Variants in KDM4C observed in about 807,000 individuals in gnomAD.
The protein encoded by KDM4C is lysine demethylase 4C.
Under a neutral mutation model 129.3 loss-of-function variants are expected in KDM4C, and 81 were observed. The observed-to-expected ratio is 0.63, with a 90% confidence interval of 0.52 to 0.75. KDM4C has a LOEUF of 0.75. Among genes scored for constraint, KDM4C ranks in the 30% least tolerant of loss-of-function variants. The pLI, the probability that KDM4C is intolerant of heterozygous loss-of-function variation, is 0.00. For synonymous variants in KDM4C, 573 were observed against 456.1 expected (o/e 1.26, Z -3.26); for missense variants, 1,457 against 1,304.0 (o/e 1.12, Z -1.81).
intron 5 of KDM4C, among the ~76,000 whole-genome samples, chr9:6,857,298 C>G (rs909596729): frequency 2.0e-5 from 3 of 152,110 alleles, no homozygotes; most frequent in Non-Finnish European, 4.4e-5. Context: ...AAACAAACCC[C>G]AAAACAGAAA....
At chr9:6,875,747 T>A (rs1391547663) in intron 5 of KDM4C, among the ~76,000 whole-genome samples, 1 of 152,162 alleles carries the variant, frequency 6.6e-6, no homozygotes, top group Non-Finnish European at 1.5e-5. Context: ...TTCTGATAGG[T>A]CTTAGCAATA....
intron 1 of KDM4C, among the ~76,000 whole-genome samples, chr9:6,740,039 G>A (rs1475475109): frequency 3.9e-5 from 6 of 151,994 alleles, no homozygotes; most frequent in African/African-American, 2.4e-5. Flanking sequence ...ACAGGCGCGC[G>A]CCACCACACT....
At chr9:6,824,242 C>G (rs1009852064) in intron 4 of KDM4C, among the ~76,000 whole-genome samples, 11 of 152,200 alleles carry the variant, frequency 7.2e-5, no homozygotes, top group African/African-American at 2.4e-4. Flanking sequence ...GCAGTAGACT[C>G]TGAGTTCATT....
rs147294289 is a variant in KDM4C at position 7,070,461 on chromosome 9, A to G, written c.2424+21261A>G. Among the ~76,000 whole-genome samples, 353 of 152,318 alleles carry G rather than the reference A, an allele frequency of 2.3e-3. 1 individual carries two copies. Among genetic ancestry groups the G allele is most frequent in the Non-Finnish European group, 4.0e-3 (272 of 68,000 alleles). On this transcript the variant is annotated intron_variant, in intron 17 of 21. Coordinates refer to ENST00000381309, the MANE Select transcript of KDM4C (RefSeq NM_015061.6). ...GTAGACCCATATTCATCATGAATAT[A>G]CATTTCAAAAAATCCCATCATAATA...
chr9:7,088,342 C>G (rs1175840991), intron 17 of KDM4C, among the ~76,000 whole-genome samples: 1 of 152,210 alleles, frequency 6.6e-6, no homozygotes, highest in African/African-American at 2.4e-5. Flanking sequence ...TAATCCAGCT[C>G]TTGTTGTCTT....
intron 8 of KDM4C, among the ~76,000 whole-genome samples, chr9:6,930,066 T>C (rs1317927476): frequency 2.0e-5 from 3 of 152,158 alleles, no homozygotes; most frequent in African/African-American, 7.2e-5. Flanking sequence ...ATTTAATTGG[T>C]TTTAGTTTGG....
At chr9:6,757,486 G>C (rs1350079925), upstream of KDM4C, among the ~76,000 whole-genome samples, 1 of 152,250 alleles carries the variant, frequency 6.6e-6, no homozygotes, top group African/African-American at 2.4e-5. Flanking sequence ...GTGGGAAGGA[G>C]GCTCAGTGGT....
chr9:7,041,040 T>C (rs1828512285), intron 15 of KDM4C, among the ~76,000 whole-genome samples: 1 of 151,240 alleles, frequency 6.6e-6, no homozygotes, highest in African/African-American at 2.4e-5. Context: ...TTTTTTTCCC[T>C]AGATCTGTAT....
intron 4 of KDM4C, among the ~76,000 whole-genome samples, chr9:6,840,803 G>C (rs1289332155): frequency 6.6e-6 from 1 of 152,182 alleles, no homozygotes; most frequent in Non-Finnish European, 1.5e-5. Context: ...TAGCATGGGG[G>C]TTATCCCACC....
intron 15 of KDM4C, among the ~76,000 whole-genome samples, chr9:7,029,704 C>T (rs553957449): frequency 6.6e-6 from 1 of 152,270 alleles, no homozygotes; most frequent in Non-Finnish European, 1.5e-5. Flanking sequence ...GATGTTTCTT[C>T]CAGGACCTTT....
intron 8 of KDM4C, among the ~76,000 whole-genome samples, chr9:6,911,767 G>A (rs149258447): frequency 1.3e-5 from 2 of 152,286 alleles, no homozygotes; most frequent in African/African-American, 2.4e-5. Flanking sequence ...GTTTGTGAAC[G>A]TGTGTGACCC....
chr9:6,939,742 G>A (rs1825500320), intron 8 of KDM4C, among the ~76,000 whole-genome samples: 1 of 152,180 alleles, frequency 6.6e-6, no homozygotes, highest in African/African-American at 2.4e-5. Flanking sequence ...TGTTTTAAAA[G>A]TTAAACACTT....
At chr9:7,038,287 C>T (rs960410007) in intron 15 of KDM4C, among the ~76,000 whole-genome samples, 5 of 152,006 alleles carry the variant, frequency 3.3e-5, no homozygotes, top group Admixed American at 3.3e-4. Flanking sequence ...ATTTCCAACA[C>T]TCTCAAAATC....
chr9:6,990,954 T>A (rs1818630739), intron 12 of KDM4C, among the ~76,000 whole-genome samples: 1 of 152,212 alleles, frequency 6.6e-6, no homozygotes, highest in Admixed American at 6.5e-5. Flanking sequence ...TTCCATATCC[T>A]TTTGTAACTG....
chr9:6,802,310 T>C (rs1829153122), intron 2 of KDM4C, among the ~76,000 whole-genome samples: 1 of 152,058 alleles, frequency 6.6e-6, no homozygotes, highest in African/African-American at 2.4e-5. Context: ...CAGTTGGGAG[T>C]GCAAATTGGT....
At chr9:6,741,112 C>T (rs62566531) in intron 1 of KDM4C, among the ~76,000 whole-genome samples, 15,124 of 151,814 alleles carry the variant, frequency 0.1, 822 homozygotes, top group Non-Finnish European at 0.12. Flanking sequence ...TTTTTAAAAA[C>T]TCAGGCCAGG....
At chr9:6,951,539 TAA>T (rs1266561090) in intron 8 of KDM4C, among the ~76,000 whole-genome samples, 1 of 152,186 alleles carries the variant, frequency 6.6e-6, no homozygotes, top group African/African-American at 2.4e-5. Flanking sequence ...GAACAGGAGT[TAA>T]GAGTGTGTAT....
chr9:6,882,200 A>C (rs1844558681), intron 6 of KDM4C, among the ~76,000 whole-genome samples: 1 of 152,198 alleles, frequency 6.6e-6, no homozygotes, highest in Admixed American at 6.5e-5. Context: ...ATCTCAAGTG[A>C]ATTGTTACAA....
intron 2 of KDM4C, among the ~76,000 whole-genome samples, chr9:6,795,170 T>C (rs1827485567): frequency 6.6e-6 from 1 of 152,166 alleles, no homozygotes; most frequent in African/African-American, 2.4e-5. Context: ...TCAGATAGCA[T>C]GGAAAACAGA....
Sources: gnomAD v4.1 joint callset for allele counts (sites outside exome capture counted in the v4.1 genomes callset) on GRCh38, gnomAD v4.1.1 for gene constraint, MANE v1.5 for transcripts, NCBI Gene and HGNC (gene_info 2026-07-23, HGNC 2026-07-21) for gene names.